The following CHST4 variants were observed in gnomAD, a reference collection of about 807,000 sequenced individuals.
The protein encoded by CHST4 is carbohydrate sulfotransferase 4.
For synonymous variants in CHST4, 171 were observed against 195.5 expected (o/e 0.87, Z 1.05); for missense variants, 466 against 506.0 (o/e 0.92, Z 0.76).
chr16:71,528,275 C>T (rs899293163), intron 1 of CHST4, among the ~76,000 whole-genome samples: 3 of 149,140 alleles, frequency 2.0e-5, no homozygotes, highest in African/African-American at 7.4e-5. Flanking sequence ...AAAAAGAGTC[C>T]TGGCTGAGGA....
intron 1 of CHST4, among the ~76,000 whole-genome samples, chr16:71,530,481 T>C (rs1382884954): frequency 6.6e-6 from 1 of 151,876 alleles, no homozygotes; most frequent in Non-Finnish European, 1.5e-5. Flanking sequence ...AAAAAGATAT[T>C]TTGGCCAGGT....
chr16:71,537,541 C>T lies in CHST4; in HGVS notation c.864C>T (p.Ser288=). Residue 288 remains serine, a synonymous_variant, in exon 2 of 2, where the codon TCC becomes TCT. Transcript: ENST00000539698. The surrounding 1 kb of genome is among the most constrained non-coding windows in gnomAD (Gnocchi z 4.2). ...DLARAPVAQT[S]RMYEFVGLEF... is the part of the protein sequence containing the mutation. ...CTCGAGCCCCTGTGGCCCAGACTTC[C>T]CGAATGTATGAATTCGTGGGATTGG... 1.2e-6 allele frequency: 2 copies of T among 1,614,204 alleles called. No homozygotes were observed. Among genetic ancestry groups the T allele is most frequent in the Non-Finnish European group, 1.7e-6 (2 of 1,180,044 alleles).
chr16:71,533,741 G>C (rs1450949635), intron 1 of CHST4, among the ~76,000 whole-genome samples: 1 of 152,094 alleles, frequency 6.6e-6, no homozygotes, highest in African/African-American at 2.4e-5. Flanking sequence ...ACAAGCGCTT[G>C]TCATAAGATT....
intron 1 of CHST4, among the ~76,000 whole-genome samples, chr16:71,534,348 C>CTTTTTTTTTTTT (rs548597955): frequency 8.1e-6 from 1 of 123,406 alleles, no homozygotes; most frequent in Non-Finnish European, 1.7e-5. Context: ...ACATTTCTTT[C>CTTTTTTTTTTTT]TTTTTTTTTT....
At chr16:71,530,902 G>A (rs1017617509) in intron 1 of CHST4, among the ~76,000 whole-genome samples, 9 of 152,046 alleles carry the variant, frequency 5.9e-5, no homozygotes, top group African/African-American at 9.7e-5. Flanking sequence ...CCAACATGGC[G>A]AAACCCTGTC....
Position 71,536,939 on chromosome 16 carries a change from T to C in CHST4, c.262T>C (p.Trp88Arg). 6.2e-7 allele frequency: 1 copy of C among 1,612,778 alleles called. No individual in the cohort carries two copies. The highest frequency in any genetic ancestry group is 8.5e-7 in the Non-Finnish European group (1 of 1,179,040). Residue 88 changes from tryptophan (W) to arginine (R), a missense_variant, in exon 2 of 2, where the codon TGG becomes CGG. Transcript: ENST00000539698. ...GATGACCTTCAAGCAGAGCACCGCC[T>C]GGATGCTGCACATGGCTGTGCGGGA... The part of the protein sequence containing the change: ...VWMTFKQSTA[W>R]MLHMAVRDLI...
At chr16:71,529,541 C>CTTTTTTTTT (rs1217192011) in intron 1 of CHST4, among the ~76,000 whole-genome samples, 1 of 58,752 alleles carries the variant, frequency 1.7e-5, no homozygotes, top group African/African-American at 7.5e-5. Flanking sequence ...CCATGCTCAT[C>CTTTTTTTTT]TATTTTTTTT....
At chr16:71,533,971 G>A (rs1455605449) in intron 1 of CHST4, among the ~76,000 whole-genome samples, 1 of 151,826 alleles carries the variant, frequency 6.6e-6, no homozygotes, top group Non-Finnish European at 1.5e-5. Context: ...GAACCTGGGA[G>A]GAGGAGGTTG....
rs1254877241 is a variant in CHST4, at chr16:71,537,671, C to T, written c.994C>T (p.Gln332Ter). 1 of 1,614,204 alleles carries T rather than the reference C, an allele frequency of 6.2e-7. No individual in the cohort carries two copies. The highest frequency in any genetic ancestry group is 1.7e-5 in the Admixed American group (1 of 60,028). ...TGCCAGGGATGCCCTTAATGTCTCC[C>T]AGGCTTGGCGCTGGTCTTTGCCCTA... ...TNARDALNVS[Q>*]AWRWSLPYEK... The change falls in exon 2 of 2, where the codon CAG becomes TAG. Residue 332 changes from glutamine to a stop codon, truncating the protein, a stop_gained. Transcript: ENST00000539698. LOFTEE classifies it low-confidence loss of function (END_TRUNC). The surrounding 1 kb of genome is among the most constrained non-coding windows in gnomAD (Gnocchi z 4.2).
In CHST4 at chr16:71,538,214, C is replaced by T; in HGVS notation, c.*376C>T. The T allele has an allele frequency of 4.9e-6, 1 of 204,106 alleles. No individual in the cohort carries two copies. Among genetic ancestry groups the T allele is most frequent in the Non-Finnish European group, 1.1e-5 (1 of 91,814 alleles). The allele number at this position is 204,106 out of a possible 1,614,324, so 12.6% of individuals were successfully genotyped here. On this transcript the variant is annotated 3_prime_UTR_variant, in exon 2 of 2. Coordinates refer to ENST00000539698, the MANE Select transcript of CHST4 (RefSeq NM_001166395.2). Reference sequence around the variant, plus strand: ...ACATCTTGCCCAATGGGGAATGGATCTTTCACCAAAGAGCTCACCAGCATT... The same window carrying T: ...ACATCTTGCCCAATGGGGAATGGATTTTTCACCAAAGAGCTCACCAGCATT...
intron 1 of CHST4, among the ~76,000 whole-genome samples, chr16:71,534,467 C>T (rs1204977364): frequency 1.3e-5 from 2 of 150,510 alleles, no homozygotes; most frequent in Non-Finnish European, 2.9e-5. Flanking sequence ...AAGTGATTCT[C>T]CTACCTCAGC....
At chr16:71,531,682 A>G (rs982787108) in intron 1 of CHST4, among the ~76,000 whole-genome samples, 2 of 152,180 alleles carry the variant, frequency 1.3e-5, no homozygotes, top group Non-Finnish European at 2.9e-5. Context: ...CCCAAGCAGG[A>G]TGGAGGGAGG....
rs2044011811 is a variant in CHST4 at position 71,538,616 on chromosome 16, T to C, written c.*778T>C. On this transcript the variant is annotated 3_prime_UTR_variant, in exon 2 of 2. Coordinates refer to ENST00000539698, the MANE Select transcript of CHST4 (RefSeq NM_001166395.2). ...GAATAGATGTAATCATCTTTATTGGTTTTTTAAAACACCTTTGCTATTATC... is the reference window on the plus strand; with the variant it reads ...GAATAGATGTAATCATCTTTATTGGCTTTTTAAAACACCTTTGCTATTATC... 6.0e-6 allele frequency: 1 copy of C among 166,634 alleles called. No individual in the cohort carries two copies. 10.3% of individuals were successfully genotyped at this position (166,634 alleles called of 1,614,324 possible). A position where few individuals can be genotyped will look rare whatever the true frequency, so the allele number is the denominator to read the frequency against.
intron 1 of CHST4, among the ~76,000 whole-genome samples, chr16:71,533,212 G>A (rs1174654809): frequency 2.0e-5 from 3 of 151,940 alleles, no homozygotes; most frequent in Non-Finnish European, 4.4e-5. Flanking sequence ...ACAACTTGAG[G>A]TCAGGAGTTC....
Position 71,537,720 on chromosome 16 carries a change from A to G in CHST4, c.1043A>G (p.Lys348Arg), listed in dbSNP as rs1214166460. 12 of 1,614,118 alleles carry G rather than the reference A, an allele frequency of 7.4e-6. No homozygotes were observed. Among genetic ancestry groups the G allele is most frequent in the African/African-American group, 2.7e-5 (2 of 74,936 alleles). Residue 348 changes from lysine (K) to arginine (R), a missense_variant, in exon 2 of 2, where the codon AAA (lysine) becomes AGA (arginine). Lys to Arg is a conservative substitution (Grantham distance 26, BLOSUM62 2). Coordinates refer to ENST00000539698, the MANE Select transcript of CHST4 (RefSeq NM_001166395.2). The surrounding 1 kb of genome is among the most constrained non-coding windows in gnomAD (Gnocchi z 4.2). ...TATGAAAAGGTTTCTCGACTTCAGA[A>G]AGCCTGTGGCGATGCCATGAATTTG... ...LPYEKVSRLQ[K>R]ACGDAMNLLG...
chr16:71,537,290 C>T lies in CHST4; in HGVS notation c.613C>T (p.Arg205Trp), dbSNP rs763003100. 26 of 1,613,986 alleles carry T rather than the reference C, an allele frequency of 1.6e-5. No individual in the cohort carries two copies. The highest frequency in any genetic ancestry group is 2.2e-5 in the South Asian group (2 of 91,080). ...SLNLHIVHLV[R>W]DPRAVFRSRE... is the part of the protein sequence containing the mutation. ...CAACCTGCATATCGTGCACCTGGTC[C>T]GGGACCCCCGGGCCGTGTTCCGTTC... Residue 205 changes from arginine (R) to tryptophan (W), a missense_variant, in exon 2 of 2, where the codon CGG becomes TGG. Arg to Trp is a moderately radical substitution (Grantham distance 101, BLOSUM62 -3). Transcript: ENST00000539698. The surrounding 1 kb of genome is among the most constrained non-coding windows in gnomAD (Gnocchi z 4.2).
At chr16:71,534,027 C>G (rs2043968244) in intron 1 of CHST4, among the ~76,000 whole-genome samples, 1 of 143,854 alleles carries the variant, frequency 7.0e-6, no homozygotes, top group African/African-American at 2.6e-5. Context: ...GGTGACAGAG[C>G]AAGACCCCAT....
At chr16:71,526,950 G>C (rs2043912957) in intron 1 of CHST4, among the ~76,000 whole-genome samples, 1 of 152,112 alleles carries the variant, frequency 6.6e-6, no homozygotes, top group African/African-American at 2.4e-5. Flanking sequence ...TCTCAGCCCT[G>C]GGATCCCCAA....
rs1292670237 is a variant in CHST4 at position 71,538,533 on chromosome 16, T to G, written c.*695T>G. On this transcript the variant is annotated 3_prime_UTR_variant, in exon 2 of 2. Coordinates refer to ENST00000539698, the MANE Select transcript of CHST4 (RefSeq NM_001166395.2). ...AATAAGGTTCTGTTTAGAATGTCCC[T>G]TTTTATGCTTCTTAATTATTAGCAG... 6 of 167,110 alleles carry G rather than the reference T, an allele frequency of 3.6e-5. No homozygotes were observed. The highest frequency in any genetic ancestry group is 1.3e-4 in the Admixed American group (2 of 15,286). 10.4% of individuals were successfully genotyped at this position (167,110 alleles called of 1,614,324 possible). A position where few individuals can be genotyped will look rare whatever the true frequency, so the allele number is the denominator to read the frequency against.
Sources: gnomAD v4.1 joint callset for allele counts (sites outside exome capture counted in the v4.1 genomes callset) on GRCh38, gnomAD v4.1.1 for gene constraint, Gnocchi (gnomAD v3.1) non-coding constraint, MANE v1.5 for transcripts, NCBI Gene and HGNC (gene_info 2026-07-23, HGNC 2026-07-21) for gene names.